The following CCDC60 variants were observed in gnomAD, a reference collection of about 807,000 sequenced individuals.
CCDC60 encodes the protein coiled-coil domain-containing protein 60.
In CCDC60, 54 loss-of-function variants were observed where a neutral mutation model predicts 63.5. The observed-to-expected ratio is 0.85, with a 90% CI of 0.68 to 1.07. The LOEUF is 1.07. Ranked by LOEUF, CCDC60 falls within the 50% of genes least tolerant of loss-of-function variation. The probability of loss-of-function intolerance (pLI) is 0.00; values close to 1 mark genes in which losing one functional copy is unlikely to be tolerated. For missense variants in CCDC60, 651 were observed against 684.3 expected, an observed-to-expected ratio of 0.95 and a Z score of 0.54; for synonymous variants, 206 against 238.8, an observed-to-expected ratio of 0.86 and a Z score of 1.27.
At chr12:119,393,294 G>T (rs113963403) in intron 1 of CCDC60, among the ~76,000 whole-genome samples, 1 of 152,118 alleles carries the variant, frequency 6.6e-6, no homozygotes, top group African/African-American at 2.4e-5. Flanking sequence ...AGATTTCATC[G>T]TGCAGGAAAT....
chr12:119,342,166 C>T (rs1341891738), intron 1 of CCDC60, among the ~76,000 whole-genome samples: 1 of 152,206 alleles, frequency 6.6e-6, no homozygotes, highest in Non-Finnish European at 1.5e-5. Flanking sequence ...CCCTTTCCCT[C>T]ATGGTCACAA....
intron 4 of CCDC60, 131 bp downstream of exon 4, chr12:119,479,332 T>G: frequency 1.6e-6 from 1 of 629,658 alleles, no homozygotes; most frequent in South Asian, 2.0e-5. Flanking sequence ...AGCCTGGAGC[T>G]GGCAAAGCTA....
At chr12:119,502,361 A>G (rs189333177) in intron 6 of CCDC60, among the ~76,000 whole-genome samples, 16 of 152,332 alleles carry the variant, frequency 1.1e-4, no homozygotes, top group African/African-American at 2.6e-4. Context: ...AGAAAGTGTA[A>G]GGAACCTTTC....
intron 2 of CCDC60, chr12:119,448,023 T>C (rs946592861): frequency 6.7e-6 from 1 of 150,260 alleles, no homozygotes; most frequent in Non-Finnish European, 1.5e-5. Flanking sequence ...AGGGATGGAG[T>C]GGAATGGGGA....
chr12:119,339,809 A>G (rs111552183), intron 1 of CCDC60, among the ~76,000 whole-genome samples: 1 of 152,008 alleles, frequency 6.6e-6, no homozygotes, highest in Admixed American at 6.6e-5. Context: ...TCCTGTCTCA[A>G]TAAATCAACC....
At chr12:119,379,829 G>A (rs1955990279) in intron 1 of CCDC60, among the ~76,000 whole-genome samples, 1 of 152,170 alleles carries the variant, frequency 6.6e-6, no homozygotes. Flanking sequence ...GTAAGCAGAA[G>A]CCTCAACACC....
At chr12:119,424,884 G>A (rs182237218) in intron 1 of CCDC60, among the ~76,000 whole-genome samples, 20 of 152,126 alleles carry the variant, frequency 1.3e-4, no homozygotes, top group South Asian at 2.1e-4. Flanking sequence ...TTGGGGGTGC[G>A]TGCATCTCAT....
At chr12:119,528,217 A>G (rs1293712751) in intron 11 of CCDC60, among the ~76,000 whole-genome samples, 2 of 152,126 alleles carry the variant, frequency 1.3e-5, no homozygotes, top group African/African-American at 4.8e-5. Flanking sequence ...TGGGGAAGAG[A>G]GGAACCAGCA....
At chr12:119,347,898 A>T (rs1228427520) in intron 1 of CCDC60, among the ~76,000 whole-genome samples, 2 of 152,210 alleles carry the variant, frequency 1.3e-5, no homozygotes, top group African/African-American at 4.8e-5. Flanking sequence ...TTCAAAATCG[A>T]AGCCAATGGC....
chr12:119,387,032 T>TCACACACACA (rs772252087), intron 1 of CCDC60, among the ~76,000 whole-genome samples: 3 of 120,268 alleles, frequency 2.5e-5, no homozygotes, highest in East Asian at 8.4e-4. Context: ...CCTCTGTCTC[T>TCACACACACA]CTCACACACA....
At chr12:119,488,705 G>A (rs1349273254) in intron 4 of CCDC60, 54 bp from the exon 5 acceptor site, 22 of 1,502,114 alleles carry the variant, frequency 1.5e-5, no homozygotes, top group Admixed American at 5.1e-5. Context: ...CTATTTTTGC[G>A]AAGAAAGTTG....
intron 13 of CCDC60, among the ~76,000 whole-genome samples, chr12:119,536,647 A>G (rs936933496): frequency 6.6e-6 from 1 of 152,086 alleles, no homozygotes; most frequent in African/African-American, 2.4e-5. Flanking sequence ...CTTGTCTGTA[A>G]AGGATTTTAT....
At chr12:119,521,937 A>G (rs1217281076) in intron 9 of CCDC60, among the ~76,000 whole-genome samples, 1 of 152,194 alleles carries the variant, frequency 6.6e-6, no homozygotes, top group African/African-American at 2.4e-5. Context: ...GGATTTGCCT[A>G]CTAGGCCTAA....
chr12:119,465,100 A>AGGAGATCGAGACCATCCTGGCTAAC (rs1950927944), intron 2 of CCDC60, among the ~76,000 whole-genome samples: 1 of 151,228 alleles, frequency 6.6e-6, no homozygotes, highest in Admixed American at 6.6e-5. Flanking sequence ...TCACGAGGTC[A>AGGAGATCGAGACCATCCTGGCTAAC]GGAGATCGAG....
At chr12:119,460,098 TTAGTTAA>T (rs11276915) in intron 2 of CCDC60, among the ~76,000 whole-genome samples, 134,669 of 151,388 alleles carry the variant, frequency 0.89, 60,297 homozygotes, top group East Asian at 1. Context: ...GTAGGAGTGG[TTAGTTAA>T]TAGTTAATAG....
Position 119,537,402 on chromosome 12 carries a change from C to T in CCDC60, c.1552-3212C>T, listed in dbSNP as rs557692378. Among the ~76,000 whole-genome samples the T allele has an allele frequency of 5.3e-5, 8 of 152,374 alleles. No homozygotes were observed. The South Asian group carries it at 1.2e-3, about 24-fold the overall frequency. ...GTTTGTTATTACCGACCTTCTGAAGCCTACTTCTGTCAGCTCGTCAAAGTC... is the reference window on the plus strand; with the variant it reads ...GTTTGTTATTACCGACCTTCTGAAGTCTACTTCTGTCAGCTCGTCAAAGTC... On this transcript the variant is annotated intron_variant, in intron 13 of 13. Transcript: ENST00000327554.
At chr12:119,447,872 C>T (rs1443336274) in intron 2 of CCDC60, 1 of 152,196 alleles carries the variant, frequency 6.6e-6, no homozygotes, top group East Asian at 1.9e-4. Flanking sequence ...CGCCATTGCA[C>T]TCCAGCATGG....
chr12:119,500,530 GC>G (rs1400206612), intron 6 of CCDC60, among the ~76,000 whole-genome samples: 1 of 37,876 alleles, frequency 2.6e-5, no homozygotes, highest in Admixed American at 3.3e-4. Context: ...CTCCCTCACC[GC>G]CCCCCACCCC....
chr12:119,459,663 C>A (rs1355199557), intron 2 of CCDC60, among the ~76,000 whole-genome samples: 1 of 152,178 alleles, frequency 6.6e-6, no homozygotes, highest in East Asian at 1.9e-4. Flanking sequence ...ACCCTGCATT[C>A]TGATGGCCCT....
Sources: allele counts gnomAD v4.1 joint callset (sites outside exome capture counted in the v4.1 genomes callset), GRCh38; gene constraint gnomAD v4.1.1; transcripts MANE v1.5; gene names NCBI Gene and HGNC (gene_info 2026-07-23, HGNC 2026-07-21).